FNDC3A: variants seen among roughly 807,000 people sequenced by gnomAD.
FNDC3A encodes fibronectin type III domain containing 3A, also known as fibronectin type-III domain-containing protein 3A.
A neutral mutation model predicts 148.9 loss-of-function variants in FNDC3A; 32 were observed. The observed-to-expected ratio is 0.21, with a 90% confidence interval of 0.16 to 0.29. The LOEUF is 0.29. Among genes scored for constraint, FNDC3A ranks in the 10% least tolerant of loss-of-function variants. The pLI is 1.00. For missense variants in FNDC3A, 1,191 were observed against 1,452.8 expected (o/e 0.82, Z 2.93); for synonymous variants, 472 against 473.6 (o/e 1.00, Z 0.04).
At position 49,167,237 on chromosome 13, in the gene FNDC3A, TC is replaced by T; in HGVS notation, c.978-3del. On this transcript the variant is annotated splice_polypyrimidine_tract_variant and splice_region_variant and intron_variant, in intron 8 of 25. Transcript: ENST00000492622. The stretch of plus-strand genomic sequence containing the variant: ...TCAGACATGATATATTACCCTTTTT[TC>T]CCCAGAGGAGAAGAAACAAATATCA... 6.3e-7 allele frequency: 1 copy of T among 1,585,092 alleles called. No homozygotes were observed. The highest frequency in any genetic ancestry group is 8.6e-7 in the Non-Finnish European group (1 of 1,159,680).
chr13:49,013,384 TTTA>T (rs1391983873), intron 2 of FNDC3A, among the ~76,000 whole-genome samples: 1 of 152,054 alleles, frequency 6.6e-6, no homozygotes, highest in Non-Finnish European at 1.5e-5. Context: ...TTACATTAAT[TTTA>T]TTATTATACT....
intron 2 of FNDC3A, among the ~76,000 whole-genome samples, chr13:49,068,795 A>G (rs1228453729): frequency 6.6e-6 from 1 of 152,198 alleles, no homozygotes; most frequent in East Asian, 1.9e-4. Context: ...TAGCAAACTA[A>G]CGCAGGAACA....
chr13:48,986,142 C>G (rs1951788041), intron 1 of FNDC3A, among the ~76,000 whole-genome samples: 1 of 152,144 alleles, frequency 6.6e-6, no homozygotes, highest in Admixed American at 6.5e-5. Flanking sequence ...ACCTCTATAA[C>G]TACAACTGCC....
intron 2 of FNDC3A, among the ~76,000 whole-genome samples, chr13:49,030,404 T>C (rs1874025325): frequency 1.3e-5 from 2 of 152,140 alleles, no homozygotes; most frequent in South Asian, 4.1e-4. Context: ...AAAAACACAA[T>C]TAACATTGTA....
At chr13:49,158,803 G>A (rs1883896422) in intron 8 of FNDC3A, among the ~76,000 whole-genome samples, 1 of 152,136 alleles carries the variant, frequency 6.6e-6, no homozygotes, top group Non-Finnish European at 1.5e-5. Context: ...TGTATAAGGT[G>A]TAAGGAAGGG....
chr13:49,194,024 G>A (rs1258829457), intron 19 of FNDC3A, among the ~76,000 whole-genome samples: 1 of 152,166 alleles, frequency 6.6e-6, no homozygotes, highest in Admixed American at 6.5e-5. Context: ...ACTTGGGGAG[G>A]CCGAGGCTGG....
chr13:49,151,490 G>T (rs1267194076), intron 8 of FNDC3A, among the ~76,000 whole-genome samples: 4 of 152,074 alleles, frequency 2.6e-5, no homozygotes, highest in African/African-American at 9.7e-5. Context: ...TGAGTTTCTT[G>T]TAGACAGCAT....
chr13:49,136,286 T>C (rs752282442), intron 5 of FNDC3A, 46 bp from the exon 6 acceptor site: 2 of 1,508,840 alleles, frequency 1.3e-6, no homozygotes, highest in South Asian at 2.5e-5. Flanking sequence ...ATAAACTTAT[T>C]TGGAGAAAGT....
At chr13:49,115,734 G>A (rs536259271) in intron 4 of FNDC3A, among the ~76,000 whole-genome samples, 1 of 152,248 alleles carries the variant, frequency 6.6e-6, no homozygotes, top group African/African-American at 2.4e-5. Context: ...GCTTTTCAGA[G>A]TAGTCTCTAC....
At chr13:49,086,571 CA>C (rs1878829712) in intron 3 of FNDC3A, among the ~76,000 whole-genome samples, 2 of 152,070 alleles carry the variant, frequency 1.3e-5, no homozygotes, top group African/African-American at 4.8e-5. Flanking sequence ...CAAATCAGAC[CA>C]AGTTCTACTG....
chr13:49,193,250 G>A (rs1476744496), intron 19 of FNDC3A, among the ~76,000 whole-genome samples: 1 of 152,086 alleles, frequency 6.6e-6, no homozygotes, highest in African/African-American at 2.4e-5. Context: ...GTATGTATGT[G>A]TGTGTATAGA....
intron 1 of FNDC3A, among the ~76,000 whole-genome samples, chr13:48,995,182 T>TG (rs2137575014): frequency 6.6e-6 from 1 of 152,340 alleles, no homozygotes; most frequent in South Asian, 2.1e-4. Flanking sequence ...CTTAAAGTGC[T>TG]GAGATTACAG....
chr13:49,010,548 A>C (rs540699237), intron 2 of FNDC3A, among the ~76,000 whole-genome samples: 1 of 152,242 alleles, frequency 6.6e-6, no homozygotes. Flanking sequence ...TAAAGAATCT[A>C]AGAAAACACA....
chr13:49,015,860 T>C (rs61950723), intron 2 of FNDC3A, among the ~76,000 whole-genome samples: 1 of 151,744 alleles, frequency 6.6e-6, no homozygotes, highest in Non-Finnish European at 1.5e-5. Context: ...ATTGAGATAA[T>C]CATGTGGTTT....
At chr13:49,059,616 T>G (rs1046076551) in intron 2 of FNDC3A, among the ~76,000 whole-genome samples, 18 of 152,010 alleles carry the variant, frequency 1.2e-4, no homozygotes, top group Admixed American at 1.2e-3. Context: ...CCACCATGCC[T>G]GGCTAATTTT....
chr13:49,050,552 G>C (rs1260830521), intron 2 of FNDC3A, among the ~76,000 whole-genome samples: 1 of 152,098 alleles, frequency 6.6e-6, no homozygotes, highest in Non-Finnish European at 1.5e-5. Flanking sequence ...AACTTGTTTT[G>C]TGTCCTATCA....
At chr13:49,037,460 C>T (rs1022526600) in intron 2 of FNDC3A, among the ~76,000 whole-genome samples, 3 of 152,074 alleles carry the variant, frequency 2.0e-5, no homozygotes, top group Non-Finnish European at 2.9e-5. Context: ...CACCAGCAAA[C>T]GTAAAGGAGC....
At chr13:49,041,053 C>G (rs1874886229) in intron 2 of FNDC3A, among the ~76,000 whole-genome samples, 1 of 152,068 alleles carries the variant, frequency 6.6e-6, no homozygotes, top group Non-Finnish European at 1.5e-5. Context: ...CATAGGAATC[C>G]AGATAATTTG....
chr13:48,987,025 A>G (rs78535622), intron 1 of FNDC3A, among the ~76,000 whole-genome samples: 287 of 152,370 alleles, frequency 1.9e-3, no homozygotes, highest in African/African-American at 6.6e-3. Flanking sequence ...GAAAATATTC[A>G]GAAACTACAG....
Sources: allele counts gnomAD v4.1 joint callset (sites outside exome capture counted in the v4.1 genomes callset), GRCh38; gene constraint gnomAD v4.1.1; transcripts MANE v1.5; gene names NCBI Gene and HGNC (gene_info 2026-07-23, HGNC 2026-07-21).